The following RYR2 variants were observed in gnomAD, a reference collection of about 807,000 sequenced individuals.
RYR2 encodes cardiac muscle ryanodine receptor-calcium release channel.
In RYR2, 227 loss-of-function variants were observed where a neutral mutation model predicts 601.1. The observed-to-expected ratio is 0.38, with a 90% CI of 0.34 to 0.42. The LOEUF is 0.42. RYR2 is among the 10% of genes least tolerant of loss of function. The probability of loss-of-function intolerance (pLI) is 1.00; values close to 1 mark genes in which losing one functional copy is unlikely to be tolerated. For missense variants in RYR2, 4,646 were observed against 6,156.5 expected (o/e 0.75, Z 8.21); for synonymous variants, 2,223 against 2,175.1 (o/e 1.02, Z -0.61).
intron 1 of RYR2, among the ~76,000 whole-genome samples, chr1:237,058,270 C>T (rs1257537161): frequency 6.6e-6 from 1 of 152,194 alleles, no homozygotes; most frequent in Non-Finnish European, 1.5e-5. Flanking sequence ...AATGATTCTG[C>T]TGGTAGTGAC....
chr1:237,493,017 CTCA>C lies in RYR2; in HGVS notation c.1894_1896del (p.Ile632del). 6.2e-7 allele frequency: 1 copy of C among 1,612,386 alleles called. No homozygotes were observed. Among genetic ancestry groups the C allele is most frequent in the Non-Finnish European group, 8.5e-7 (1 of 1,179,258 alleles). On this transcript the variant is annotated inframe_deletion, in exon 19 of 105. Transcript: ENST00000366574. The stretch of plus-strand genomic sequence containing the variant: ...GGTTGCAGTCCGTTCTAACCAGCAT[CTCA>C]TCTGTGACAATCTCCTACCAGGAAG...
chr1:237,050,272 AG>A (rs1351216958), intron 1 of RYR2, among the ~76,000 whole-genome samples: 2 of 149,248 alleles, frequency 1.3e-5, no homozygotes, highest in Non-Finnish European at 3.0e-5. Flanking sequence ...TGTGGAGCCA[AG>A]ATAGATGCAG....
intron 82 of RYR2, among the ~76,000 whole-genome samples, chr1:237,759,127 C>A (rs1165047904): frequency 1.3e-5 from 2 of 152,148 alleles, no homozygotes. Context: ...TGAGATGTCA[C>A]CCAGGCTGGA....
intron 11 of RYR2, among the ~76,000 whole-genome samples, chr1:237,417,986 ACT>A (rs1483237334): frequency 2.0e-5 from 3 of 152,050 alleles, no homozygotes; most frequent in Non-Finnish European, 4.4e-5. Context: ...AGGATAACAG[ACT>A]CTATGGGTGG....
At chr1:237,687,383 TTAATTTCCCCCTGTC>T in intron 62 of RYR2, 57 bp from the exon 63 acceptor site, 4 of 684,000 alleles carry the variant, frequency 5.8e-6, no homozygotes, top group Non-Finnish European at 4.8e-6. Flanking sequence ...TTTTTTTTTT[TTAATTTCCCCCTGTC>T]TTTTCTACCT....
At chr1:237,479,429 T>C (rs956045273) in intron 17 of RYR2, among the ~76,000 whole-genome samples, 1 of 152,210 alleles carries the variant, frequency 6.6e-6, no homozygotes, top group African/African-American at 2.4e-5. Flanking sequence ...CTGGGAATGA[T>C]GCGCTTGGTT....
chr1:237,077,818 T>C (rs1311778194), intron 1 of RYR2, among the ~76,000 whole-genome samples: 1 of 152,034 alleles, frequency 6.6e-6, no homozygotes, highest in East Asian at 1.9e-4. Flanking sequence ...ATCAACAGAA[T>C]ATACATTTTT....
chr1:237,261,102 A>G (rs1217597552), intron 1 of RYR2, among the ~76,000 whole-genome samples: 1 of 152,264 alleles, frequency 6.6e-6, no homozygotes, highest in Non-Finnish European at 1.5e-5. Flanking sequence ...GATGGGATAA[A>G]TGAGATCAAC....
intron 95 of RYR2, 73 bp from the exon 96 acceptor site, chr1:237,795,216 A>C: frequency 1.4e-6 from 1 of 719,016 alleles, no homozygotes; most frequent in Non-Finnish European, 2.3e-6. Context: ...AGTATGCCAT[A>C]TATCCCAAAT....
intron 1 of RYR2, among the ~76,000 whole-genome samples, chr1:237,149,846 G>A (rs79955111): frequency 6.6e-6 from 1 of 151,942 alleles, no homozygotes; most frequent in East Asian, 1.9e-4. Flanking sequence ...ATTTTTAGGT[G>A]AAGAAGATAG....
At chr1:237,171,274 T>C (rs1209532210) in intron 1 of RYR2, among the ~76,000 whole-genome samples, 1 of 152,058 alleles carries the variant, frequency 6.6e-6, no homozygotes, top group Non-Finnish European at 1.5e-5. Context: ...AAAAAAATAT[T>C]TAAAGTACTC....
intron 1 of RYR2, among the ~76,000 whole-genome samples, chr1:237,195,913 C>T (rs1680511600): frequency 6.6e-6 from 1 of 152,112 alleles, no homozygotes; most frequent in Admixed American, 6.5e-5. Flanking sequence ...ATATTAATGA[C>T]AAAAACAATT....
At chr1:237,457,104 G>A (rs1658927767) in intron 16 of RYR2, among the ~76,000 whole-genome samples, 1 of 152,110 alleles carries the variant, frequency 6.6e-6, no homozygotes, top group Non-Finnish European at 1.5e-5. Context: ...GGTTAAAGGA[G>A]GAGAAAGTCA....
At chr1:237,264,756 C>T (rs190270673) in intron 1 of RYR2, among the ~76,000 whole-genome samples, 45 of 150,898 alleles carry the variant, frequency 3.0e-4, no homozygotes, top group African/African-American at 9.7e-4. Flanking sequence ...AGTGTAGTGG[C>T]GTGATCTCGG....
At chr1:237,387,511 C>A in intron 9 of RYR2, 131 bp downstream of exon 9, 1 of 743,656 alleles carries the variant, frequency 1.3e-6, no homozygotes. Context: ...AATGCAGATA[C>A]CTGACATTTG....
intron 62 of RYR2, among the ~76,000 whole-genome samples, chr1:237,685,571 A>G (rs1278774855): frequency 2.0e-5 from 3 of 152,210 alleles, no homozygotes; most frequent in Non-Finnish European, 4.4e-5. Flanking sequence ...AGAGAGGAAT[A>G]GGTAAAATAC....
At chr1:237,355,943 T>A (rs1490428333) in intron 3 of RYR2, 22 bp from the exon 4 acceptor site, 1 of 1,590,982 alleles carries the variant, frequency 6.3e-7, no homozygotes, top group Non-Finnish European at 8.6e-7. Context: ...TTGTTATTTA[T>A]TTTGGCTTTT....
chr1:237,820,059 A>G (rs1662279691), intron 101 of RYR2, among the ~76,000 whole-genome samples: 1 of 150,958 alleles, frequency 6.6e-6, no homozygotes, highest in African/African-American at 2.4e-5. Flanking sequence ...TGGTGGTGTG[A>G]ACCTATAATC....
At chr1:237,582,313 A>G (rs1002555870) in intron 29 of RYR2, among the ~76,000 whole-genome samples, 5 of 151,224 alleles carry the variant, frequency 3.3e-5, no homozygotes, top group South Asian at 4.2e-4. Context: ...TTTCACCACA[A>G]TGGCCAGGCT....
Sources: gnomAD v4.1 joint callset for allele counts (sites outside exome capture counted in the v4.1 genomes callset) on GRCh38, gnomAD v4.1.1 for gene constraint, MANE v1.5 for transcripts, NCBI Gene and HGNC (gene_info 2026-07-23, HGNC 2026-07-21) for gene names.